Variants in DNAAF5 observed in about 807,000 individuals in gnomAD.
The protein encoded by DNAAF5 is HEAT repeat containing 2.
DNAAF5 carries 64 observed loss-of-function variants against 75.8 expected under a neutral mutation model. The ratio of observed to expected loss-of-function variants is 0.84; its 90% CI spans 0.69 to 1.04. DNAAF5 has a LOEUF of 1.04. DNAAF5 is among the 50% of genes least tolerant of loss of function. The pLI is 0.00. For synonymous variants in DNAAF5, 657 were observed against 557.2 expected, an observed-to-expected ratio of 1.18 and a Z score of -2.52; for missense variants, 1,269 against 1,178.5, an observed-to-expected ratio of 1.08 and a Z score of -1.12.
At chr7:730,169 A>G (rs961261861) in intron 2 of DNAAF5, among the ~76,000 whole-genome samples, 1 of 152,282 alleles carries the variant, frequency 6.6e-6, no homozygotes, top group African/African-American at 2.4e-5. Flanking sequence ...CACTTTCCCG[A>G]AAAGCCACCA....
At chr7:756,423 G>A (rs1363546813) in intron 5 of DNAAF5, among the ~76,000 whole-genome samples, 1 of 150,436 alleles carries the variant, frequency 6.6e-6, no homozygotes, top group Non-Finnish European at 1.5e-5. Context: ...TCCACTGTGG[G>A]CTTCCACGGT....
intron 1 of DNAAF5, among the ~76,000 whole-genome samples, 174 bp from the exon 2 acceptor site, chr7:729,489 A>G (rs1257706952): frequency 6.6e-6 from 1 of 152,190 alleles, no homozygotes; most frequent in African/African-American, 2.4e-5. Context: ...GCCGGGCGGT[A>G]CAGAGCTCTC....
intron 5 of DNAAF5, among the ~76,000 whole-genome samples, chr7:756,487 G>A (rs1782488512): frequency 1.3e-5 from 2 of 152,192 alleles, no homozygotes; most frequent in Non-Finnish European, 2.9e-5. Context: ...TTGGGTCACT[G>A]GTGTCCGATG....
intron 8 of DNAAF5, among the ~76,000 whole-genome samples, chr7:767,540 A>T (rs535975391): frequency 6.6e-6 from 1 of 152,352 alleles, no homozygotes; most frequent in South Asian, 2.1e-4. Context: ...ATACATAATG[A>T]TATTTCCATA....
At chr7:734,620 T>C (rs1165850853) in intron 2 of DNAAF5, among the ~76,000 whole-genome samples, 1 of 152,256 alleles carries the variant, frequency 6.6e-6, no homozygotes, top group African/African-American at 2.4e-5. Context: ...TCCTTCCTCT[T>C]CTAGTTCTTG....
Position 726,759 on chromosome 7 carries a change from A to T in DNAAF5, c.39A>T (p.Pro13=), listed in dbSNP as rs1781309180. ...ALGVAEAVAA[P]HPAEGAETAE... Reference sequence around the variant, plus strand: ...GGGTGGCGGAGGCCGTGGCGGCCCCACACCCGGCTGAGGGGGCCGAGACGG... The same window carrying T: ...GGGTGGCGGAGGCCGTGGCGGCCCCTCACCCGGCTGAGGGGGCCGAGACGG... Residue 13 remains proline, a synonymous_variant, in exon 1 of 13, where the codon CCA becomes CCT. Transcript: ENST00000297440. The T allele has an allele frequency of 8.0e-7, 1 of 1,255,888 alleles. No homozygotes were observed. Among genetic ancestry groups the T allele is most frequent in the East Asian group, 3.1e-5 (1 of 31,804 alleles). 77.8% of individuals were successfully genotyped at this position (1,255,888 alleles called of 1,614,324 possible).
chr7:757,289 G>A (rs536742697), intron 6 of DNAAF5, among the ~76,000 whole-genome samples: 3 of 139,502 alleles, frequency 2.2e-5, no homozygotes, highest in Non-Finnish European at 3.1e-5. Flanking sequence ...GTTTACATTC[G>A]TTGCTGCCCC....
At chr7:764,055 C>T in intron 8 of DNAAF5, 81 bp downstream of exon 8, 1 of 1,421,048 alleles carries the variant, frequency 7.0e-7, no homozygotes, top group Non-Finnish European at 9.7e-7. Flanking sequence ...TCAGCAGGTA[C>T]CAGCGCCGAC....
In DNAAF5 at chr7:764,472, G is replaced by A. The variant is rs1010377428; in HGVS notation, c.1783+498G>A. On this transcript the variant is annotated intron_variant, in intron 8 of 12. Transcript: ENST00000297440. ...ATCCACTGCAGAACCCTAAGGAGAC[G>A]TCCGCTCAGCAGCCATAGTGCCTTG... is the stretch of plus-strand genomic sequence containing the variant. Among the ~76,000 whole-genome samples the A allele has an allele frequency of 4.6e-5, 7 of 152,286 alleles. No homozygotes were observed. In the East Asian group the frequency reaches 7.7e-4, roughly 17 times the overall value.
intron 2 of DNAAF5, chr7:732,587 A>T: frequency 2.2e-6 from 1 of 456,120 alleles, no homozygotes; most frequent in Non-Finnish European, 4.4e-6. Context: ...CTTTTCAGAG[A>T]TGAGTGTTTG....
rs1196556413 is a variant in DNAAF5, at chr7:727,139, AGCTGCGCCTGGCGCTTGTGCAGCT to A, written c.424_447del (p.Arg142_Leu149del). ...CGCCGCCCGCCCGAGGCCTGTGAGGAGCTGCGCCTGGCGCTTGTGCAGCTGCTGGGCCTGGCCGTGGACCTGTGC... is the reference window on the plus strand; with the variant it reads ...CGCCGCCCGCCCGAGGCCTGTGAGGAGCTGGGCCTGGCCGTGGACCTGTGC... On this transcript the variant is annotated inframe_deletion, in exon 1 of 13. Coordinates refer to ENST00000297440, the MANE Select transcript of DNAAF5 (RefSeq NM_017802.4). 1.6e-6 allele frequency: 2 copies of A among 1,232,626 alleles called. No homozygotes were observed. The highest frequency in any genetic ancestry group is 3.2e-5 in the African/African-American group (2 of 62,000). The allele number at this position is 1,232,626 out of a possible 1,614,324, so 76.4% of individuals were successfully genotyped here.
intron 2 of DNAAF5, among the ~76,000 whole-genome samples, chr7:733,677 T>C (rs1307006394): frequency 6.6e-6 from 1 of 152,136 alleles, no homozygotes; most frequent in Non-Finnish European, 1.5e-5. Context: ...TTTGTGTTTT[T>C]AGTAGAGACA....
intron 6 of DNAAF5, 38 bp downstream of exon 6, chr7:757,032 A>G: frequency 6.4e-7 from 1 of 1,556,740 alleles, no homozygotes; most frequent in Admixed American, 1.8e-5. Flanking sequence ...GGAGAGGAGG[A>G]GCCTCCCCTG....
chr7:768,894 G>T (rs1233096847), intron 8 of DNAAF5: 3 of 511,074 alleles, frequency 5.9e-6, no homozygotes, highest in African/African-American at 5.7e-5. Flanking sequence ...GTCAGAAACT[G>T]GGTCAGAAGC....
chr7:772,613 C>T (rs1340523575), intron 9 of DNAAF5: 1 of 152,258 alleles, frequency 6.6e-6, no homozygotes. Flanking sequence ...TCTGCAGCGT[C>T]TTCGGGTCCT....
At chr7:769,313 G>A in intron 8 of DNAAF5, 1 of 661,848 alleles carries the variant, frequency 1.5e-6, no homozygotes, top group South Asian at 1.6e-5. Context: ...TGAGCCTTCA[G>A]CTCCTGGGCC....
At chr7:734,966 TG>T (rs1466145570) in intron 2 of DNAAF5, among the ~76,000 whole-genome samples, 1 of 152,166 alleles carries the variant, frequency 6.6e-6, no homozygotes, top group Non-Finnish European at 1.5e-5. Flanking sequence ...TTGTTCTTCA[TG>T]GTATAGCTGC....
At chr7:785,084 C>T (rs888103091) in intron 12 of DNAAF5, among the ~76,000 whole-genome samples, 11 of 151,930 alleles carry the variant, frequency 7.2e-5, no homozygotes, top group East Asian at 1.9e-4. Flanking sequence ...TGCACCCATC[C>T]GCTGCATCAG....
chr7:749,485 C>A (rs1782221718), intron 4 of DNAAF5, among the ~76,000 whole-genome samples: 1 of 152,200 alleles, frequency 6.6e-6, no homozygotes, highest in African/African-American at 2.4e-5. Flanking sequence ...CTTCCCCCTT[C>A]ATTCTCCTGT....
Sources: allele counts gnomAD v4.1 joint callset (sites outside exome capture counted in the v4.1 genomes callset), GRCh38; gene constraint gnomAD v4.1.1; transcripts MANE v1.5; gene names NCBI Gene and HGNC (gene_info 2026-07-23, HGNC 2026-07-21).